CWF19L2: variants seen among roughly 807,000 people sequenced by gnomAD.
CWF19L2 encodes the protein CWF19 like cell cycle control factor 2, also known as CWF19-like protein 2.
In CWF19L2, 98 loss-of-function variants were observed where a neutral mutation model predicts 111.7. The ratio of observed to expected loss-of-function variants is 0.88; its 90% CI spans 0.75 to 1.04. CWF19L2 has a LOEUF of 1.04. CWF19L2 is among the 50% of genes least tolerant of loss of function. CWF19L2 has a pLI of 0.00. For synonymous variants in CWF19L2, 351 were observed against 342.9 expected, an observed-to-expected ratio of 1.02 and a Z score of -0.26; for missense variants, 1,101 against 1,051.4, an observed-to-expected ratio of 1.05 and a Z score of -0.65.
At chr11:107,328,500 A>G (rs1383188757) in intron 17 of CWF19L2, among the ~76,000 whole-genome samples, 2 of 152,170 alleles carry the variant, frequency 1.3e-5, no homozygotes, top group African/African-American at 4.8e-5. Flanking sequence ...AGCAGACTGC[A>G]GGGAGGTCTT....
intron 13 of CWF19L2, among the ~76,000 whole-genome samples, chr11:107,350,806 TACCTTCTAGGGTA>T (rs1269341359): frequency 6.6e-6 from 1 of 152,068 alleles, no homozygotes; most frequent in African/African-American, 2.4e-5. Context: ...CCTTTAAAGT[TACCTTCTAGGGTA>T]ACATTTGAGA....
At chr11:107,362,841 G>A (rs964114708) in intron 12 of CWF19L2, among the ~76,000 whole-genome samples, 1 of 152,000 alleles carries the variant, frequency 6.6e-6, no homozygotes, top group Non-Finnish European at 1.5e-5. Context: ...TTGACGAGCT[G>A]AGAGAAGAAG....
chr11:107,415,190 A>T (rs1486371832), intron 10 of CWF19L2, among the ~76,000 whole-genome samples: 1 of 152,108 alleles, frequency 6.6e-6, no homozygotes, highest in Non-Finnish European at 1.5e-5. Context: ...CACATCAGAC[A>T]TATTTCCATC....
At chr11:107,338,627 T>C (rs752488567) in intron 14 of CWF19L2, among the ~76,000 whole-genome samples, 1 of 152,094 alleles carries the variant, frequency 6.6e-6, no homozygotes, top group Non-Finnish European at 1.5e-5. Context: ...TGTCCAGGTG[T>C]TCTCATCATT....
intron 10 of CWF19L2, among the ~76,000 whole-genome samples, chr11:107,413,089 A>G (rs956299457): frequency 6.6e-6 from 1 of 152,196 alleles, no homozygotes; most frequent in African/African-American, 2.4e-5. Context: ...CAGAATGTAC[A>G]ATACCAAGAG....
chr11:107,386,068 T>C (rs932590394), intron 12 of CWF19L2, among the ~76,000 whole-genome samples: 4 of 152,224 alleles, frequency 2.6e-5, no homozygotes, highest in African/African-American at 7.2e-5. Context: ...ATAGCATATA[T>C]AGGGGTTTGG....
rs917064516 is a variant in CWF19L2, at chr11:107,421,436, T to G, written c.1434-3149A>C. 2.0e-5 allele frequency among the ~76,000 whole-genome samples: 3 copies of G among 151,936 alleles called. No homozygotes were observed. In the East Asian group the frequency reaches 5.8e-4, roughly 29 times the overall value. ...AAATAGAAAATAGAAAAACAATAAA[T>G]TCAGTGAAACCAAACGCTGATATTT... On this transcript the variant is annotated intron_variant, in intron 8 of 17. Coordinates refer to ENST00000282251, the MANE Select transcript of CWF19L2 (RefSeq NM_152434.3).
chr11:107,331,878 G>C (rs11212166), intron 16 of CWF19L2, among the ~76,000 whole-genome samples: 40,590 of 152,112 alleles, frequency 0.27, 5,653 homozygotes, highest in Non-Finnish European at 0.31. Context: ...CTTGCTAGAA[G>C]AGTTGTTAGC....
chr11:107,442,249 C>T (rs1441638213), intron 4 of CWF19L2, among the ~76,000 whole-genome samples: 1 of 152,224 alleles, frequency 6.6e-6, no homozygotes. Context: ...GGGTTCTAAA[C>T]ATTCAGCAAA....
At chr11:107,406,782 T>C (rs1273119707) in intron 10 of CWF19L2, among the ~76,000 whole-genome samples, 2 of 151,668 alleles carry the variant, frequency 1.3e-5, no homozygotes, top group South Asian at 4.1e-4. Context: ...TATTTTTTAT[T>C]TTCTATTTTA....
At chr11:107,448,057 G>T (rs1465697282) in intron 3 of CWF19L2, among the ~76,000 whole-genome samples, 1 of 152,140 alleles carries the variant, frequency 6.6e-6, no homozygotes, top group African/African-American at 2.4e-5. Context: ...AAAAGAAAAG[G>T]CCAGTCGGCC....
rs1251184702 is a variant in CWF19L2 at position 107,442,964 on chromosome 11, C to T, written c.425G>A (p.Gly142Glu). ...CTTGATAATTTGGGTGTCATCTTTTCCTGACTTTTCATCTTTCACTTTCCA... is the reference window on the plus strand; with the variant it reads ...CTTGATAATTTGGGTGTCATCTTTTTCTGACTTTTCATCTTTCACTTTCCA... ...KAWKVKDEKS[G>E]KDDTQIIKRD... is the part of the protein sequence containing the mutation. Residue 142 changes from glycine to glutamate, a missense_variant, in exon 4 of 18, where the codon GGA (glycine) becomes GAA (glutamate). Coordinates refer to ENST00000282251, the MANE Select transcript of CWF19L2 (RefSeq NM_152434.3). 6.4e-7 allele frequency: 1 copy of T among 1,551,144 alleles called. No homozygotes were observed. Among genetic ancestry groups the T allele is most frequent in the South Asian group, 1.2e-5 (1 of 84,048 alleles).
At position 107,418,180 on chromosome 11, in the gene CWF19L2, T is replaced by C. The variant is rs760711045; in HGVS notation, c.1527+14A>G. ...TTAATCATTATTCTCTAAAGCAACA[T>C]CTAAGAGTCTTACCATATTCCCCAT... On this transcript the variant is annotated intron_variant, in intron 9 of 17. Transcript: ENST00000282251. 5 of 1,494,620 alleles carry C rather than the reference T, an allele frequency of 3.3e-6. 1 individual carries two copies. Among genetic ancestry groups the C allele is most frequent in the Admixed American group, 1.7e-5 (1 of 59,876 alleles). The allele number at this position is 1,494,620 out of a possible 1,614,324, so 92.6% of individuals were successfully genotyped here. A position where few individuals can be genotyped will look rare whatever the true frequency, so the allele number is the denominator to read the frequency against.
In CWF19L2 at chr11:107,443,019, G is replaced by C. The variant is rs1861654044; in HGVS notation, c.370C>G (p.Pro124Ala). The C allele has an allele frequency of 1.9e-6, 3 of 1,551,444 alleles. No homozygotes were observed. In the East Asian group the frequency reaches 7.3e-5, roughly 38 times the overall value. The change falls in exon 4 of 18, where the codon CCA becomes GCA. Residue 124 changes from proline to alanine, a missense_variant. Pro to Ala is a conservative substitution (Grantham distance 27). Transcript: ENST00000282251. ...TTTTCCTTGTCAGGAGTCTGGGATG[G>C]AACAGCCTCAACCCACTCATCTTCA... ...SSEDEWVEAV[P>A]SQTPDKEKAW...
chr11:107,422,062 T>C (rs1565277368), intron 8 of CWF19L2, among the ~76,000 whole-genome samples: 2 of 152,012 alleles, frequency 1.3e-5, no homozygotes, highest in African/African-American at 4.8e-5. Context: ...TGCAACAACA[T>C]AAATGAAGCT....
intron 12 of CWF19L2, among the ~76,000 whole-genome samples, chr11:107,372,906 TG>T (rs1246694852): frequency 7.9e-6 from 1 of 127,176 alleles, no homozygotes; most frequent in Non-Finnish European, 1.6e-5. Context: ...CGCAGGCCAG[TG>T]GGTGCGCGCA....
intron 6 of CWF19L2, among the ~76,000 whole-genome samples, chr11:107,436,865 A>G (rs1861547874): frequency 2.0e-5 from 3 of 152,138 alleles, no homozygotes; most frequent in South Asian, 2.1e-4. Context: ...TTATTGAGCT[A>G]TAATATTAAA....
intron 14 of CWF19L2, among the ~76,000 whole-genome samples, chr11:107,342,895 C>G (rs1039117541): frequency 3.9e-5 from 6 of 152,106 alleles, no homozygotes; most frequent in African/African-American, 1.4e-4. Flanking sequence ...ATGACAGAAG[C>G]AGAGACGGAA....
chr11:107,457,010 C>G (rs1180655451), intron 1 of CWF19L2, among the ~76,000 whole-genome samples: 2 of 152,198 alleles, frequency 1.3e-5, no homozygotes, highest in African/African-American at 4.8e-5. Flanking sequence ...AACAAAAACC[C>G]TCACTGAATT....
Sources: allele counts gnomAD v4.1 joint callset (sites outside exome capture counted in the v4.1 genomes callset), GRCh38; gene constraint gnomAD v4.1.1; transcripts MANE v1.5; gene names NCBI Gene and HGNC (gene_info 2026-07-23, HGNC 2026-07-21).